Variants in CCDC136 observed in about 807,000 individuals in gnomAD.
CCDC136 encodes coiled-coil domain-containing protein 136.
CCDC136 carries 100 observed loss-of-function variants against 141.2 expected under a neutral mutation model. That is an observed-to-expected ratio of 0.71 (90% CI 0.60 to 0.84). The LOEUF is 0.84. Among genes scored for constraint, CCDC136 ranks in the 40% least tolerant of loss-of-function variants. CCDC136 has a pLI of 0.00. For missense variants in CCDC136, 1,206 were observed against 1,379.4 expected, an observed-to-expected ratio of 0.87 and a Z score of 1.99; for synonymous variants, 474 against 531.9, an observed-to-expected ratio of 0.89 and a Z score of 1.50.
chr7:128,795,877 A>G (rs1802867572), intron 3 of CCDC136, among the ~76,000 whole-genome samples: 1 of 152,206 alleles, frequency 6.6e-6, no homozygotes. Context: ...AGTACATTCT[A>G]ACGGAGAGAG....
Position 128,801,448 on chromosome 7 carries a change from G to T in CCDC136, c.609G>T (p.Met203Ile). 6.2e-7 allele frequency: 1 copy of T among 1,613,398 alleles called. No individual in the cohort carries two copies. Among genetic ancestry groups the T allele is most frequent in the Non-Finnish European group, 8.5e-7 (1 of 1,179,724 alleles). The change falls in exon 4 of 18, where the codon ATG becomes ATT. Residue 203 changes from methionine (M) to isoleucine (I), a missense_variant. Transcript: ENST00000297788. ...EMEIASLRAEMEMKSSEPSGS... is the reference protein window; with the variant it reads ...EMEIASLRAEIEMKSSEPSGS... ...AGATCGCCTCCCTCCGTGCAGAAAT[G>T]GAAATGAAGAGCTCTGAACCATCCG...
intron 17 of CCDC136, chr7:128,818,065 A>G: frequency 1.8e-6 from 1 of 558,836 alleles, no homozygotes; most frequent in Non-Finnish European, 3.2e-6. Context: ...TGTCTTCGTA[A>G]TGCATAGGAG....
intron 13 of CCDC136, 98 bp from the exon 14 acceptor site, chr7:128,812,610 T>C: frequency 2.2e-6 from 2 of 925,870 alleles, no homozygotes; most frequent in African/African-American, 1.6e-5. Context: ...CTCTGGATCC[T>C]GGTGGCCATT....
At position 128,817,949 on chromosome 7, in the gene CCDC136, C is replaced by A; in HGVS notation, c.*5+85C>A. The stretch of plus-strand genomic sequence containing the variant: ...CTCTCCTCTTTCCCTTTTCTCCCAG[C>A]TGCTTGCTTCTTGCTTGTGCCATTT... On this transcript the variant is annotated intron_variant, in intron 17 of 17. Transcript: ENST00000297788. This position sits in a 1 kb window ranked among gnomAD's most constrained non-coding sequence, Gnocchi z 4.6. 1.0e-6 allele frequency: 1 copy of A among 985,930 alleles called. No individual in the cohort carries two copies. The highest frequency in any genetic ancestry group is 1.6e-6 in the Non-Finnish European group (1 of 632,424). 61.1% of individuals were successfully genotyped at this position (985,930 alleles called of 1,614,324 possible). A position where few individuals can be genotyped will look rare whatever the true frequency, so the allele number is the denominator to read the frequency against.
At chr7:128,809,417 A>T in intron 10 of CCDC136, 33 bp from the exon 11 acceptor site, 2 of 1,420,366 alleles carry the variant, frequency 1.4e-6, no homozygotes, top group Non-Finnish European at 1.9e-6. Context: ...CTTACAGAGT[A>T]ACCACCCCCT....
chr7:128,806,382 A>G lies in CCDC136; in HGVS notation c.1235A>G (p.Asn412Ser). The G allele has an allele frequency of 6.2e-7, 1 of 1,602,828 alleles. No homozygotes were observed. The highest frequency in any genetic ancestry group is 8.5e-7 in the Non-Finnish European group (1 of 1,173,538). ...LKVMKSTLVE[N>S]QSEKELLCRL... ...GTCATGAAATCCACACTTGTAGAAA[A>G]CCAGAGTGAGAAGGTAACAGCAACC... is the stretch of plus-strand genomic sequence containing the variant. The change falls in exon 8 of 18, where the codon AAC becomes AGC. Residue 412 changes from asparagine (N) to serine (S), a missense_variant. Coordinates refer to ENST00000297788, the MANE Select transcript of CCDC136 (RefSeq NM_022742.5).
intron 9 of CCDC136, 103 bp from the exon 10 acceptor site, chr7:128,807,257 A>G (rs2128912031): frequency 1.2e-6 from 1 of 819,872 alleles, no homozygotes; most frequent in East Asian, 3.3e-5. Flanking sequence ...ATTGGGGCTG[A>G]GAAGGACAAG....
intron 17 of CCDC136, among the ~76,000 whole-genome samples, chr7:128,819,572 C>T: frequency 6.6e-6 from 1 of 152,164 alleles, no homozygotes; most frequent in Non-Finnish European, 1.5e-5. Context: ...TTACAAAATG[C>T]AGTCTTATGT....
intron 3 of CCDC136, among the ~76,000 whole-genome samples, chr7:128,800,595 T>C (rs1335777238): frequency 6.6e-6 from 1 of 152,168 alleles, no homozygotes; most frequent in Non-Finnish European, 1.5e-5. Flanking sequence ...GCTCCCAGCC[T>C]ATCATCAATT....
At chr7:128,793,849 T>C (rs901850378) in intron 1 of CCDC136, among the ~76,000 whole-genome samples, 1 of 152,210 alleles carries the variant, frequency 6.6e-6, no homozygotes, top group Non-Finnish European at 1.5e-5. Flanking sequence ...TGGCCTCAAG[T>C]AATCCACCCA....
At chr7:128,801,574 T>C in intron 4 of CCDC136, 65 bp downstream of exon 4, 7 of 1,116,416 alleles carry the variant, frequency 6.3e-6, no homozygotes, top group Non-Finnish European at 8.8e-6. Flanking sequence ...TATAGGAAAA[T>C]GGTAGAAGGT....
In CCDC136 at chr7:128,806,348, C is replaced by T; in HGVS notation, c.1201C>T (p.Gln401Ter). 1 of 1,603,434 alleles carries T rather than the reference C, an allele frequency of 6.2e-7. No homozygotes were observed. Among genetic ancestry groups the T allele is most frequent in the Non-Finnish European group, 8.5e-7 (1 of 1,175,060 alleles). The change falls in exon 8 of 18, where the codon CAG (glutamine) becomes TAG (stop). Residue 401 changes from glutamine to a stop codon, truncating the protein, a stop_gained. Transcript: ENST00000297788. LOFTEE classifies it high-confidence loss of function. ...GCTGCAACTTCAGACTGAGCTCCGG[C>T]AGCTCAAAGTCATGAAATCCACACT... is the stretch of plus-strand genomic sequence containing the variant. The part of the protein sequence containing the change: ...MQLQLQTELR[Q>*]LKVMKSTLVE...
At position 128,812,048 on chromosome 7, in the gene CCDC136, C is replaced by G. The variant is rs757493685; in HGVS notation, c.2277C>G (p.Arg759=). 6.2e-7 allele frequency: 1 copy of G among 1,613,976 alleles called. No individual in the cohort carries two copies. Among genetic ancestry groups the G allele is most frequent in the South Asian group, 1.1e-5 (1 of 91,078 alleles). Residue 759 remains arginine, a synonymous_variant, in exon 13 of 18, where the codon CGC becomes CGG. Transcript: ENST00000297788. ...GSMVPSNENC[R]KTYDTTVDDN... ...TGGTCCCCAGCAATGAGAACTGTCG[C>G]AAGACTTATGATACCACTGTGGATG...
At position 128,792,292 on chromosome 7, in the gene CCDC136, C is replaced by A; in HGVS notation, c.-120C>A. ...CAGCCCGCAGCCAGCCCCCCACCCC[C>A]CAGCCCCTCCTTTCTCCCTGCTCTC... On this transcript the variant is annotated 5_prime_UTR_variant, in exon 1 of 18. Coordinates refer to ENST00000297788, the MANE Select transcript of CCDC136 (RefSeq NM_022742.5). 1 of 1,573,464 alleles carries A rather than the reference C, an allele frequency of 6.4e-7. No homozygotes were observed. The highest frequency in any genetic ancestry group is 8.6e-7 in the Non-Finnish European group (1 of 1,158,882).
At position 128,794,823 on chromosome 7, in the gene CCDC136, T is replaced by C; in HGVS notation, c.346+55T>C. On this transcript the variant is annotated intron_variant, in intron 3 of 17. Transcript: ENST00000297788. The surrounding 1 kb of genome is among the most constrained non-coding windows in gnomAD (Gnocchi z 4.3). The stretch of plus-strand genomic sequence containing the variant: ...GTGGCCATCCAAGTGGTCACCTAAG[T>C]ACTTTTTTCCTGAGGGTTTGACTGA... 3 of 1,415,472 alleles carry C rather than the reference T, an allele frequency of 2.1e-6. No homozygotes were observed. Among genetic ancestry groups the C allele is most frequent in the Non-Finnish European group, 2.9e-6 (3 of 1,027,466 alleles). 87.7% of individuals were successfully genotyped at this position (1,415,472 alleles called of 1,614,324 possible). A position where few individuals can be genotyped will look rare whatever the true frequency, so the allele number is the denominator to read the frequency against.
chr7:128,803,576 C>T (rs1455292861), intron 4 of CCDC136, among the ~76,000 whole-genome samples: 2 of 152,098 alleles, frequency 1.3e-5, no homozygotes, highest in Non-Finnish European at 1.5e-5. Context: ...CACCTGAGTC[C>T]AGGGAGGTCA....
Position 128,792,028 on chromosome 7 carries a change from A to C in CCDC136, c.-384A>C. 1 of 1,207,478 alleles carries C rather than the reference A, an allele frequency of 8.3e-7. No homozygotes were observed. Among genetic ancestry groups the C allele is most frequent in the Non-Finnish European group, 1.0e-6 (1 of 969,012 alleles). 74.8% of individuals were successfully genotyped at this position (1,207,478 alleles called of 1,614,324 possible). A position where few individuals can be genotyped will look rare whatever the true frequency, so the allele number is the denominator to read the frequency against. On this transcript the variant is annotated 5_prime_UTR_variant, in exon 1 of 18. Transcript: ENST00000297788. ...TCTTCACTGGCTCCCGCCCTCTTTC[A>C]GTCTTGGCCCTCTCCTCCCTGTCCC...
At chr7:128,801,154 C>T (rs1470027859) in intron 3 of CCDC136, 32 bp from the exon 4 acceptor site, 1 of 1,558,034 alleles carries the variant, frequency 6.4e-7, no homozygotes, top group Admixed American at 1.7e-5. Context: ...TTCACCTGCC[C>T]TCTTGATCAT....
At chr7:128,793,260 ACC>A (rs1012939910) in intron 1 of CCDC136, among the ~76,000 whole-genome samples, 1 of 152,218 alleles carries the variant, frequency 6.6e-6, no homozygotes, top group Non-Finnish European at 1.5e-5. Context: ...CCAGCACCAA[ACC>A]CCAGTTTTTT....
Sources: allele counts gnomAD v4.1 joint callset (sites outside exome capture counted in the v4.1 genomes callset), GRCh38; gene constraint gnomAD v4.1.1; non-coding constraint Gnocchi (gnomAD v3.1); transcripts MANE v1.5; gene names NCBI Gene and HGNC (gene_info 2026-07-23, HGNC 2026-07-21).